The following HELLS variants were observed in gnomAD, a reference collection of about 807,000 sequenced individuals.
The protein encoded by HELLS is helicase, lymphoid specific, also known as lymphoid-specific helicase.
HELLS carries 32 observed loss-of-function variants against 120.0 expected under a neutral mutation model. That is an observed-to-expected ratio of 0.27 (90% CI 0.20 to 0.36). The LOEUF is 0.36. Among genes scored for constraint, HELLS ranks in the 10% least tolerant of loss-of-function variants. The probability of loss-of-function intolerance (pLI) is 1.00; values close to 1 mark genes in which losing one functional copy is unlikely to be tolerated. For synonymous variants in HELLS, 341 were observed against 323.4 expected (o/e 1.05, Z -0.58); for missense variants, 650 against 993.4 (o/e 0.65, Z 4.65).
intron 12 of HELLS, among the ~76,000 whole-genome samples, chr10:94,585,689 A>AT (rs538721729): frequency 0.031 from 4,366 of 139,064 alleles, 90 homozygotes; most frequent in South Asian, 0.049. Context: ...TGGCCAACAG[A>AT]TTTTTTTTTT....
chr10:94,612,511 A>G (rs1213654316), exon 10 of HELLS: 1 of 152,228 alleles, frequency 6.6e-6, no homozygotes, highest in African/African-American at 2.4e-5. Context: ...ATGTCATGAC[A>G]TCACTGATGG....
intron 13 of HELLS, among the ~76,000 whole-genome samples, chr10:94,588,755 G>C (rs974739874): frequency 2.1e-4 from 32 of 152,170 alleles, no homozygotes; most frequent in African/African-American, 7.7e-4. Context: ...TAAGGCATAA[G>C]GCTTAGTGGC....
At chr10:94,587,780 CTGTA>C (rs1355147824) in intron 12 of HELLS, among the ~76,000 whole-genome samples, 1 of 152,178 alleles carries the variant, frequency 6.6e-6, no homozygotes, top group Admixed American at 6.5e-5. Context: ...TTATTATTGA[CTGTA>C]GTCACCCTGT....
At chr10:94,599,332 G>A (rs1194934620) in intron 21 of HELLS, among the ~76,000 whole-genome samples, 4 of 152,064 alleles carry the variant, frequency 2.6e-5, no homozygotes, top group African/African-American at 9.7e-5. Context: ...AAACCAACTT[G>A]CCATAATATC....
intron 19 of HELLS, among the ~76,000 whole-genome samples, chr10:94,595,370 G>A (rs1845691590): frequency 6.6e-6 from 1 of 152,164 alleles, no homozygotes; most frequent in South Asian, 2.1e-4. Flanking sequence ...GAGCAGATGG[G>A]CAGAGAAAAG....
intron 12 of HELLS, 98 bp downstream of exon 12, chr10:94,583,157 AAAAATG>A: frequency 1.9e-6 from 1 of 537,910 alleles, no homozygotes. Context: ...TAGAGATTTG[AAAAATG>A]AAGATCCTCC....
chr10:94,575,771 T>TTG (rs71031588), intron 9 of HELLS, among the ~76,000 whole-genome samples: 5,460 of 122,708 alleles, frequency 0.044, 210 homozygotes, highest in African/African-American at 0.075. Flanking sequence ...GGGGTTGTGT[T>TTG]TGTGTGTGTG....
At chr10:94,578,844 T>C (rs997199573) in intron 10 of HELLS, among the ~76,000 whole-genome samples, 37 of 151,968 alleles carry the variant, frequency 2.4e-4, no homozygotes, top group African/African-American at 8.7e-4. Context: ...ATCCCTTGGA[T>C]GTGCAGTTCA....
chr10:94,608,833 A>AG (rs1316719202), intron 9 of HELLS, among the ~76,000 whole-genome samples: 1 of 151,922 alleles, frequency 6.6e-6, no homozygotes, highest in Non-Finnish European at 1.5e-5. Context: ...ATTTTTTTAA[A>AG]GCCTTGTTTG....
chr10:94,587,255 TA>T (rs1491237806), intron 12 of HELLS, among the ~76,000 whole-genome samples: 1 of 152,154 alleles, frequency 6.6e-6, no homozygotes, highest in Non-Finnish European at 1.5e-5. Flanking sequence ...TTTTAATTTT[TA>T]AAAAAACTTT....
At chr10:94,609,860 G>T (rs770152675) in exon 10 of HELLS, 4 of 152,024 alleles carry the variant, frequency 2.6e-5, no homozygotes, top group Non-Finnish European at 5.9e-5. Flanking sequence ...TAGCACTAGG[G>T]CGCAAGAGAA....
At chr10:94,558,265 C>CT in intron 4 of HELLS, 70 bp downstream of exon 4, 1 of 1,466,322 alleles carries the variant, frequency 6.8e-7, no homozygotes, top group Non-Finnish European at 9.0e-7. Flanking sequence ...ATTCTTCTGA[C>CT]TTTTTTGATC....
At chr10:94,564,881 C>T (rs544748686) in intron 6 of HELLS, among the ~76,000 whole-genome samples, 11 of 152,190 alleles carry the variant, frequency 7.2e-5, no homozygotes, top group African/African-American at 2.4e-4. Flanking sequence ...AGGCATGAGG[C>T]ACCACTCCTG....
intron 6 of HELLS, among the ~76,000 whole-genome samples, chr10:94,563,437 G>A (rs911500658): frequency 6.6e-6 from 1 of 151,922 alleles, no homozygotes; most frequent in African/African-American, 2.4e-5. Flanking sequence ...GGTTGTTCTG[G>A]TTTTCTTTTC....
intron 3 of HELLS, among the ~76,000 whole-genome samples, chr10:94,557,647 C>T (rs1010510853): frequency 6.6e-6 from 1 of 152,178 alleles, no homozygotes; most frequent in Non-Finnish European, 1.5e-5. Flanking sequence ...GCCTTGGTTA[C>T]CATGCACTTA....
intron 2 of HELLS, chr10:94,550,959 G>A (rs1041429471): frequency 6.6e-6 from 1 of 152,082 alleles, no homozygotes; most frequent in African/African-American, 2.4e-5. Context: ...TTAAACCCAC[G>A]TTATTTTAAC....
chr10:94,549,893 G>A (rs1842899463), intron 2 of HELLS, among the ~76,000 whole-genome samples: 1 of 151,834 alleles, frequency 6.6e-6, no homozygotes, highest in Non-Finnish European at 1.5e-5. Flanking sequence ...TTCCATGATG[G>A]CATCTTAAAG....
At chr10:94,553,414 A>G (rs1303589298) in intron 2 of HELLS, among the ~76,000 whole-genome samples, 2 of 151,526 alleles carry the variant, frequency 1.3e-5, no homozygotes, top group African/African-American at 4.9e-5. Context: ...ACGTCCTGCT[A>G]ATTTTTATAG....
chr10:94,562,581 G>A, intron 4 of HELLS, 110 bp from the exon 5 acceptor site: 1 of 704,346 alleles, frequency 1.4e-6, no homozygotes, highest in Non-Finnish European at 2.4e-6. Flanking sequence ...AATTGTGGAT[G>A]TGGCTCAATT....
Sources: allele counts gnomAD v4.1 joint callset (sites outside exome capture counted in the v4.1 genomes callset), GRCh38; gene constraint gnomAD v4.1.1; transcripts MANE v1.5; gene names NCBI Gene and HGNC (gene_info 2026-07-23, HGNC 2026-07-21).